NKAIN4: variants seen among roughly 807,000 people sequenced by gnomAD.
The protein encoded by NKAIN4 is sodium/potassium transporting ATPase interacting 4, also known as sodium/potassium-transporting ATPase subunit beta-1-interacting protein 4.
NKAIN4 carries 28 observed loss-of-function variants against 28.8 expected under a neutral mutation model. The observed-to-expected ratio is 0.97, with a 90% CI of 0.72 to 1.33. NKAIN4 has a LOEUF of 1.33. Ranked by LOEUF, NKAIN4 falls within the 40% of genes most tolerant of loss-of-function variation. The pLI, the probability that NKAIN4 is intolerant of heterozygous loss-of-function variation, is 0.00. For missense variants in NKAIN4, 289 were observed against 277.2 expected (o/e 1.04, Z -0.30); for synonymous variants, 122 against 115.6 (o/e 1.06, Z -0.36).
intron 4 of NKAIN4, chr20:63,244,329 T>C (rs1368760854): frequency 3.7e-5 from 21 of 571,398 alleles, no homozygotes; most frequent in Non-Finnish European, 5.5e-5. Flanking sequence ...GGCAGGTGGG[T>C]GAGGATAATG....
Position 63,249,954 on chromosome 20 carries a change from C to T in NKAIN4, c.173G>A (p.Arg58Gln), listed in dbSNP as rs202109120. Reference protein sequence around the residue: ...ILGLFGTIQYRLRYVMVYTLW... With the variant: ...ILGLFGTIQYQLRYVMVYTLW... ...ACTCACCACCATGACATAGCGCAGCCGGTACTGGATGGTGCCGAAGAGTCC... is the reference window on the plus strand; with the variant it reads ...ACTCACCACCATGACATAGCGCAGCTGGTACTGGATGGTGCCGAAGAGTCC... The change falls in exon 2 of 7, where the codon CGG becomes CAG. Residue 58 changes from arginine (R) to glutamine (Q), a missense_variant. Arg to Gln is a conservative substitution (Grantham distance 43). Transcript: ENST00000370316. 5.1e-4 allele frequency: 821 copies of T among 1,613,422 alleles called. No individual in the cohort carries two copies. The highest frequency in any genetic ancestry group is 6.7e-4 in the Non-Finnish European group (795 of 1,179,864).
At chr20:63,248,313 G>A (rs1057515327) in intron 3 of NKAIN4, 49 of 173,434 alleles carry the variant, frequency 2.8e-4, no homozygotes, top group Admixed American at 5.0e-4. Flanking sequence ...CGGTCAGGGT[G>A]GGCTCAGCAA....
intron 1 of NKAIN4, chr20:63,254,087 G>A: frequency 2.5e-6 from 1 of 394,650 alleles, no homozygotes; most frequent in South Asian, 2.3e-5. Context: ...GGGTCCAGGC[G>A]GCCCCGCCCG....
At chr20:63,244,403 A>C in intron 4 of NKAIN4, 3 of 511,668 alleles carry the variant, frequency 5.9e-6, no homozygotes, top group South Asian at 4.6e-5. Context: ...GTGAGGACAC[A>C]GAAGCCCAGG....
chr20:63,241,570 A>C, intron 6 of NKAIN4, 64 bp from the exon 7 acceptor site: 1 of 1,410,842 alleles, frequency 7.1e-7, no homozygotes, highest in Non-Finnish European at 9.8e-7. Context: ...GGGGGCTGCC[A>C]CCCCCTCCCC....
At chr20:63,254,542 G>GCCCCCACCGCATCCCGTTC, upstream of NKAIN4, 1 of 861,346 alleles carries the variant, frequency 1.2e-6, no homozygotes, top group Non-Finnish European at 1.5e-6. Flanking sequence ...CCTGGACCCC[G>GCCCCCACCGCATCCCGTTC]CCCCCTCCGC....
intron 1 of NKAIN4, among the ~76,000 whole-genome samples, chr20:63,253,736 G>A (rs950210349): frequency 2.0e-5 from 3 of 152,158 alleles, no homozygotes; most frequent in Admixed American, 1.3e-4. Context: ...TTGGCCGAGG[G>A]AGCCCCGACC....
chr20:63,250,702 A>G (rs575899943), intron 1 of NKAIN4, among the ~76,000 whole-genome samples: 3 of 152,060 alleles, frequency 2.0e-5, no homozygotes, highest in South Asian at 2.1e-4. Context: ...TGAGGGGGGG[A>G]GGGAAAGGTG....
rs1289711041 is a variant in NKAIN4 at position 63,250,088 on chromosome 20, G to A, written c.55-16C>T. 1 of 1,552,900 alleles carries A rather than the reference G, an allele frequency of 6.4e-7. No homozygotes were observed. The highest frequency in any genetic ancestry group is 1.4e-5 in the African/African-American group (1 of 73,290). ...GGGCGGCGACCTAGGAGCAGGGCGG[G>A]CGCCATGAAGGGTGGACCCGAGGGA... is the stretch of plus-strand genomic sequence containing the variant. On this transcript the variant is annotated splice_polypyrimidine_tract_variant and intron_variant, in intron 1 of 6. Coordinates refer to ENST00000370316, the MANE Select transcript of NKAIN4 (RefSeq NM_152864.4).
Position 63,246,568 on chromosome 20 carries a change from T to C in NKAIN4, c.471+1010A>G, listed in dbSNP as rs1165600403. 4 of 985,458 alleles carry C rather than the reference T, an allele frequency of 4.1e-6. No individual in the cohort carries two copies. In the East Asian group the frequency reaches 4.5e-4, roughly 112 times the overall value. 61.0% of individuals were successfully genotyped at this position (985,458 alleles called of 1,614,324 possible). A position where few individuals can be genotyped will look rare whatever the true frequency, so the allele number is the denominator to read the frequency against. ...GGCCACGGGCTCCTTAGATTTGGAA[T>C]TCAGCTCCCACCGCCAGCCGCCGGC... On this transcript the variant is annotated intron_variant, in intron 4 of 6. Transcript: ENST00000370316.
In NKAIN4 at chr20:63,241,278, A is replaced by T; in HGVS notation, c.*219T>A. ...TGTTTTCTTTTCTTTTTTTTTTTTA[A>T]GAGAAAGGAAATTACAAACTCTCTT... On this transcript the variant is annotated 3_prime_UTR_variant, in exon 7 of 7. Coordinates refer to ENST00000370316, the MANE Select transcript of NKAIN4 (RefSeq NM_152864.4). The T allele has an allele frequency of 5.8e-6, 3 of 520,282 alleles. No homozygotes were observed. Among genetic ancestry groups the T allele is most frequent in the Non-Finnish European group, 6.8e-6 (2 of 292,842 alleles). 32.2% of individuals were successfully genotyped at this position (520,282 alleles called of 1,614,324 possible).
intron 4 of NKAIN4, chr20:63,246,648 C>T (rs1189070915): frequency 2.8e-5 from 28 of 985,368 alleles, no homozygotes; most frequent in South Asian, 4.7e-5. Context: ...GCGTCGACAC[C>T]ACCGTGCGCA....
In NKAIN4 at chr20:63,247,267, C is replaced by T. The variant is rs573032871; in HGVS notation, c.471+311G>A. The T allele has an allele frequency of 5.9e-5, 77 of 1,296,722 alleles. 1 individual carries two copies. In the Middle Eastern group the frequency reaches 1.1e-3, roughly 18 times the overall value. The allele number at this position is 1,296,722 out of a possible 1,614,324, so 80.3% of individuals were successfully genotyped here. A position where few individuals can be genotyped will look rare whatever the true frequency, so the allele number is the denominator to read the frequency against. ...CCCCTCCTCCTTGGGGCCGTCAAAGCCAGAGGCGGGGTGTCTCGGCCTGAT... is the reference window on the plus strand; with the variant it reads ...CCCCTCCTCCTTGGGGCCGTCAAAGTCAGAGGCGGGGTGTCTCGGCCTGAT... On this transcript the variant is annotated intron_variant, in intron 4 of 6. Coordinates refer to ENST00000370316, the MANE Select transcript of NKAIN4 (RefSeq NM_152864.4).
intron 2 of NKAIN4, 200 bp from the exon 3 acceptor site, chr20:63,249,095 G>A: frequency 7.1e-6 from 4 of 564,264 alleles, no homozygotes; most frequent in South Asian, 2.0e-5. Flanking sequence ...GCTTTCCCAC[G>A]TGGGTGCCCC....
intron 1 of NKAIN4, among the ~76,000 whole-genome samples, chr20:63,251,435 A>T (rs947946168): frequency 6.6e-6 from 1 of 151,506 alleles, no homozygotes; most frequent in Non-Finnish European, 1.5e-5. Context: ...GGAAAGGGAG[A>T]CTCCCTTTCC....
chr20:63,249,859 G>C (rs2066924509), intron 2 of NKAIN4, 76 bp downstream of exon 2: 8 of 1,480,582 alleles, frequency 5.4e-6, no homozygotes, highest in South Asian at 1.3e-5. Flanking sequence ...AAATATGCCA[G>C]GATGGTGCCA....
intron 1 of NKAIN4, among the ~76,000 whole-genome samples, chr20:63,250,311 G>C (rs2066934140): frequency 6.6e-6 from 1 of 152,198 alleles, no homozygotes; most frequent in South Asian, 2.1e-4. Context: ...AAATGAGCCT[G>C]ACAGGCCCCC....
At chr20:63,244,643 G>C (rs965602220) in intron 4 of NKAIN4, 8 of 431,290 alleles carry the variant, frequency 1.9e-5, no homozygotes, top group Admixed American at 4.8e-5. Context: ...TGCCTTTGGG[G>C]CAGGGGTCAG....
At position 63,241,264 on chromosome 20, in the gene NKAIN4, CT is replaced by C. The variant is rs530047912; in HGVS notation, c.*232del. The stretch of plus-strand genomic sequence containing the variant: ...CCTTTTCTTTTGTATGTTTTCTTTT[CT>C]TTTTTTTTTTTAAGAGAAAGGAAAT... On this transcript the variant is annotated 3_prime_UTR_variant, in exon 7 of 7. Transcript: ENST00000370316. The C allele has an allele frequency of 0.16, 67,777 of 424,870 alleles. No homozygotes were observed. The highest frequency in any genetic ancestry group is 0.2 in the Middle Eastern group (296 of 1,468). 26.3% of individuals were successfully genotyped at this position (424,870 alleles called of 1,614,324 possible).
Sources: gnomAD v4.1 joint callset for allele counts (sites outside exome capture counted in the v4.1 genomes callset) on GRCh38, gnomAD v4.1.1 for gene constraint, MANE v1.5 for transcripts, NCBI Gene and HGNC (gene_info 2026-07-23, HGNC 2026-07-21) for gene names.